Variants in MLIP observed in about 807,000 individuals in gnomAD.
MLIP encodes muscular LMNA-interacting protein.
A neutral mutation model predicts 84.8 loss-of-function variants in MLIP; 79 were observed. The observed-to-expected ratio is 0.93, with a 90% confidence interval of 0.78 to 1.12. MLIP has a LOEUF of 1.12. Ranked by LOEUF, MLIP falls within the 50% of genes most tolerant of loss-of-function variation. The pLI is 0.00. For synonymous variants in MLIP, 504 were observed against 463.0 expected, an observed-to-expected ratio of 1.09 and a Z score of -1.14; for missense variants, 1,257 against 1,160.6, an observed-to-expected ratio of 1.08 and a Z score of -1.21.
chr6:54,212,653 G>T (rs1562064411), intron 11 of MLIP, among the ~76,000 whole-genome samples: 1 of 151,994 alleles, frequency 6.6e-6, no homozygotes, highest in Non-Finnish European at 1.5e-5. Flanking sequence ...TTAAAAGTCA[G>T]TTTCTATTCA....
At chr6:54,095,929 C>T (rs1431617868) in intron 1 of MLIP, among the ~76,000 whole-genome samples, 1 of 152,010 alleles carries the variant, frequency 6.6e-6, no homozygotes, top group East Asian at 1.9e-4. Context: ...ATGGGCAGGT[C>T]CCTCCCACTT....
chr6:54,032,748 T>G (rs1192498612), intron 1 of MLIP, among the ~76,000 whole-genome samples: 1 of 152,112 alleles, frequency 6.6e-6, no homozygotes, highest in Non-Finnish European at 1.5e-5. Context: ...GAGACAGGGT[T>G]TTGCCATGTT....
chr6:54,157,609 C>T (rs1774167187), intron 5 of MLIP, among the ~76,000 whole-genome samples: 1 of 152,042 alleles, frequency 6.6e-6, no homozygotes, highest in South Asian at 2.1e-4. Flanking sequence ...ATGTGACTAA[C>T]AAACTGTTGT....
intron 12 of MLIP, among the ~76,000 whole-genome samples, chr6:54,246,078 T>A (rs1220314600): frequency 6.6e-6 from 1 of 152,160 alleles, no homozygotes; most frequent in Non-Finnish European, 1.5e-5. Context: ...TTCGCCTTCA[T>A]ATAAGCCATA....
intron 5 of MLIP, among the ~76,000 whole-genome samples, chr6:54,155,248 C>T (rs1773895660): frequency 6.6e-6 from 1 of 152,024 alleles, no homozygotes; most frequent in Non-Finnish European, 1.5e-5. Flanking sequence ...AGACCTGAAT[C>T]CCCAACTAGA....
Position 54,177,748 on chromosome 6 carries a change from T to A in MLIP, c.2544+8176T>A, listed in dbSNP as rs530172004. Among the ~76,000 whole-genome samples, 12 of 152,306 alleles carry A rather than the reference T, an allele frequency of 7.9e-5. No individual in the cohort carries two copies. The South Asian group carries it at 2.5e-3, about 32-fold the overall frequency. On this transcript the variant is annotated intron_variant, in intron 9 of 13. Coordinates refer to ENST00000502396, the MANE Select transcript of MLIP (RefSeq NM_001281747.2). Reference sequence around the variant, plus strand: ...TGTTATAAAGACATATGCAAGTGTATGTTAATTGCAGCACTATTCACAATA... The same window carrying A: ...TGTTATAAAGACATATGCAAGTGTAAGTTAATTGCAGCACTATTCACAATA...
intron 13 of MLIP, 118 bp downstream of exon 13, chr6:54,257,479 ATTAC>A (rs1338101612): frequency 4.3e-6 from 3 of 699,418 alleles, no homozygotes; most frequent in Non-Finnish European, 7.2e-6. Context: ...AGAAAGAATT[ATTAC>A]TAACTGTTTC....
intron 1 of MLIP, among the ~76,000 whole-genome samples, chr6:54,057,407 T>C (rs1267759889): frequency 6.6e-6 from 1 of 152,216 alleles, no homozygotes; most frequent in Non-Finnish European, 1.5e-5. Flanking sequence ...TTACAGTAAA[T>C]TCACAACAAA....
intron 11 of MLIP, among the ~76,000 whole-genome samples, chr6:54,224,797 A>G (rs1047730625): frequency 1.4e-4 from 22 of 151,848 alleles, no homozygotes; most frequent in African/African-American, 5.1e-4. Flanking sequence ...TTGCATCCTC[A>G]TAGCTTAGCT....
intron 1 of MLIP, among the ~76,000 whole-genome samples, chr6:54,097,054 G>A (rs527352801): frequency 1.3e-5 from 2 of 152,224 alleles, no homozygotes; most frequent in Admixed American, 1.3e-4. Context: ...TACCAAGAAG[G>A]CTACATGTTA....
intron 12 of MLIP, among the ~76,000 whole-genome samples, chr6:54,242,852 T>G (rs565089365): frequency 6.6e-6 from 1 of 152,258 alleles, no homozygotes; most frequent in African/African-American, 2.4e-5. Context: ...CTTGACTAAT[T>G]TCTTACTAAA....
chr6:54,118,701 G>C (rs1468375403), intron 1 of MLIP, among the ~76,000 whole-genome samples: 3 of 152,160 alleles, frequency 2.0e-5, no homozygotes, highest in East Asian at 1.9e-4. Context: ...TGTACAGCAA[G>C]GGAAACAATC....
chr6:54,183,743 G>GTTTTTTT (rs3996970), intron 9 of MLIP, among the ~76,000 whole-genome samples: 6 of 116,732 alleles, frequency 5.1e-5, no homozygotes, highest in South Asian at 3.0e-4. Flanking sequence ...GACAGGGTAA[G>GTTTTTTT]TTTTTTTTTT....
At chr6:54,213,661 C>G (rs1779617785) in intron 11 of MLIP, among the ~76,000 whole-genome samples, 2 of 136,198 alleles carry the variant, frequency 1.5e-5, no homozygotes, top group South Asian at 2.4e-4. Context: ...AAGATTGCAT[C>G]ACTGCCACTT....
Position 54,251,535 on chromosome 6 carries a change from ATAAT to A in MLIP, c.2923-5772_2923-5769del, listed in dbSNP as rs1335551601. ...ATATATAGGTACAAACACAGTATAT[ATAAT>A]ATATAGTATATATAGTAATATAAAT... On this transcript the variant is annotated intron_variant, in intron 12 of 13. Coordinates refer to ENST00000502396, the MANE Select transcript of MLIP (RefSeq NM_001281747.2). 4.4e-5 allele frequency among the ~76,000 whole-genome samples: 5 copies of A among 114,918 alleles called. 1 individual carries two copies. The highest frequency in any genetic ancestry group is 8.0e-5 in the Non-Finnish European group (5 of 62,116). The allele number at this position is 114,918 out of a possible 152,430, so 75.4% of individuals were successfully genotyped here.
intron 1 of MLIP, among the ~76,000 whole-genome samples, chr6:54,078,371 C>T (rs994042648): frequency 2.0e-5 from 3 of 152,150 alleles, no homozygotes; most frequent in Admixed American, 1.3e-4. Flanking sequence ...CAGGCAAGAT[C>T]GCTTGAGCCC....
At chr6:54,123,056 C>T (rs995459065) in intron 2 of MLIP, among the ~76,000 whole-genome samples, 1 of 152,060 alleles carries the variant, frequency 6.6e-6, no homozygotes, top group African/African-American at 2.4e-5. Flanking sequence ...CTCAGCCTCC[C>T]GAATAGCTGG....
intron 1 of MLIP, among the ~76,000 whole-genome samples, chr6:54,055,402 T>C (rs1765606589): frequency 6.6e-6 from 1 of 152,214 alleles, no homozygotes; most frequent in Non-Finnish European, 1.5e-5. Flanking sequence ...TTTTACATGC[T>C]AGTAAATGTA....
chr6:54,236,233 C>T (rs1328314864), intron 12 of MLIP, among the ~76,000 whole-genome samples: 2 of 151,450 alleles, frequency 1.3e-5, no homozygotes, highest in East Asian at 1.9e-4. Flanking sequence ...GGGAGAAATT[C>T]GAATCCTCTA....
Sources: gnomAD v4.1 joint callset for allele counts (sites outside exome capture counted in the v4.1 genomes callset) on GRCh38, gnomAD v4.1.1 for gene constraint, MANE v1.5 for transcripts, NCBI Gene and HGNC (gene_info 2026-07-23, HGNC 2026-07-21) for gene names.